RIMS4: variants seen among roughly 807,000 people sequenced by gnomAD.
RIMS4 encodes regulating synaptic membrane exocytosis protein 4.
RIMS4 carries 9 observed loss-of-function variants against 29.0 expected under a neutral mutation model. The observed-to-expected ratio is 0.31, with a 90% CI of 0.19 to 0.54. The LOEUF (loss-of-function observed/expected upper bound fraction) is 0.54, where lower values mean the gene tolerates loss of function less well. Ranked by LOEUF, RIMS4 falls within the 20% of genes least tolerant of loss-of-function variation. The pLI, the probability that RIMS4 is intolerant of heterozygous loss-of-function variation, is 0.94. For missense variants in RIMS4, 193 were observed against 365.7 expected, an observed-to-expected ratio of 0.53 and a Z score of 3.85; for synonymous variants, 130 against 152.9, an observed-to-expected ratio of 0.85 and a Z score of 1.10.
Position 44,756,860 on chromosome 20 carries a change from T to TGCAC in RIMS4, c.591+34_591+37dup. On this transcript the variant is annotated intron_variant, in intron 5 of 5. Coordinates refer to ENST00000372851, the MANE Select transcript of RIMS4 (RefSeq NM_182970.4). The surrounding 1 kb of genome is among the most constrained non-coding windows in gnomAD (Gnocchi z 5.9). The stretch of plus-strand genomic sequence containing the variant: ...TTCTGGTACTGTGCATGTGTGCTCG[T>TGCAC]GCACACACACACACGTGAGCGCGTC... 6.2e-7 allele frequency: 1 copy of TGCAC among 1,601,134 alleles called. No individual in the cohort carries two copies. Among genetic ancestry groups the TGCAC allele is most frequent in the South Asian group, 1.1e-5 (1 of 89,266 alleles).
intron 1 of RIMS4, among the ~76,000 whole-genome samples, chr20:44,782,947 C>G (rs2066191175): frequency 6.6e-6 from 1 of 152,194 alleles, no homozygotes; most frequent in African/African-American, 2.4e-5. Context: ...AAATAGATCT[C>G]TCATACCCCT....
At chr20:44,787,693 C>T (rs1001785452) in intron 1 of RIMS4, among the ~76,000 whole-genome samples, 4 of 142,388 alleles carry the variant, frequency 2.8e-5, no homozygotes, top group African/African-American at 1.0e-4. Flanking sequence ...TTGGTTTTCT[C>T]CAGGAAAAAA....
rs368559983 is a variant in RIMS4, at chr20:44,755,993, G to C, written c.*141C>G. On this transcript the variant is annotated 3_prime_UTR_variant, in exon 6 of 6. Coordinates refer to ENST00000372851, the MANE Select transcript of RIMS4 (RefSeq NM_182970.4). ...AAGAAGGGGTGAGGAGGGGCCCAAG[G>C]GGGGGCAGGTCTCCCCGTTCTGCTT... is the stretch of plus-strand genomic sequence containing the variant. 29 of 691,536 alleles carry C rather than the reference G, an allele frequency of 4.2e-5. No homozygotes were observed. Among genetic ancestry groups the C allele is most frequent in the Middle Eastern group, 8.4e-4 (2 of 2,382 alleles). The allele number at this position is 691,536 out of a possible 1,614,324, so 42.8% of individuals were successfully genotyped here.
intron 1 of RIMS4, among the ~76,000 whole-genome samples, chr20:44,777,137 C>T (rs766536083): frequency 2.6e-5 from 4 of 152,202 alleles, no homozygotes; most frequent in Non-Finnish European, 5.9e-5. Flanking sequence ...TCCACCTAGT[C>T]GATGTCAGTG....
chr20:44,781,990 C>T (rs2066186533), intron 1 of RIMS4, among the ~76,000 whole-genome samples: 1 of 152,168 alleles, frequency 6.6e-6, no homozygotes, highest in South Asian at 2.1e-4. Context: ...CAAATACAGC[C>T]CACGTACTTC....
intron 1 of RIMS4, among the ~76,000 whole-genome samples, chr20:44,774,200 A>C (rs1340407085): frequency 6.6e-6 from 1 of 152,054 alleles, no homozygotes; most frequent in Admixed American, 6.6e-5. Context: ...ACCAAGATCC[A>C]TCCATCCCAC....
chr20:44,790,154 T>C (rs893481621), intron 1 of RIMS4, among the ~76,000 whole-genome samples: 3 of 152,176 alleles, frequency 2.0e-5, no homozygotes, highest in Non-Finnish European at 2.9e-5. Flanking sequence ...GTGGTCTGGG[T>C]TGGGGATCAG....
At chr20:44,791,841 C>G (rs2066234017) in intron 1 of RIMS4, among the ~76,000 whole-genome samples, 1 of 152,342 alleles carries the variant, frequency 6.6e-6, no homozygotes, top group South Asian at 2.1e-4. Flanking sequence ...TGCTATAACT[C>G]AGATCTCCAA....
intron 1 of RIMS4, among the ~76,000 whole-genome samples, chr20:44,789,111 G>A (rs553840458): frequency 6.6e-6 from 1 of 151,934 alleles, no homozygotes; most frequent in Admixed American, 6.5e-5. Flanking sequence ...GCAAGGTTAT[G>A]TCATGTGTTT....
intron 2 of RIMS4, among the ~76,000 whole-genome samples, chr20:44,759,578 C>A (rs114832905): frequency 0.023 from 3,578 of 152,276 alleles, 134 homozygotes; most frequent in African/African-American, 0.08. Flanking sequence ...GGCTTTTGAT[C>A]TTTATCACCA....
At chr20:44,792,378 C>T (rs1356417651) in intron 1 of RIMS4, among the ~76,000 whole-genome samples, 3 of 150,118 alleles carry the variant, frequency 2.0e-5, no homozygotes, top group East Asian at 3.9e-4. Flanking sequence ...CTGCAACCTC[C>T]ACCTCCTAGA....
chr20:44,775,283 AC>A (rs1568899214), intron 1 of RIMS4, among the ~76,000 whole-genome samples: 1 of 150,992 alleles, frequency 6.6e-6, no homozygotes, highest in East Asian at 2.0e-4. Flanking sequence ...CTCCTCCAAG[AC>A]CCCCTTTTTA....
chr20:44,759,266 T>C (rs1348438472), intron 2 of RIMS4, among the ~76,000 whole-genome samples: 1 of 152,136 alleles, frequency 6.6e-6, no homozygotes, highest in African/African-American at 2.4e-5. Flanking sequence ...TGTTTTTTTT[T>C]TGAGACAGAG....
At chr20:44,806,986 A>G (rs989609727) in intron 1 of RIMS4, among the ~76,000 whole-genome samples, 2 of 152,032 alleles carry the variant, frequency 1.3e-5, no homozygotes, top group Non-Finnish European at 2.9e-5. Flanking sequence ...AGTCCATGTT[A>G]TTATTTTTCT....
At chr20:44,810,107 G>T in intron 1 of RIMS4, 68 bp downstream of exon 1, 1 of 959,782 alleles carries the variant, frequency 1.0e-6, no homozygotes. Context: ...CGCACGGGTC[G>T]GGGAGGGGGC....
chr20:44,761,403 T>C (rs1357563718), intron 2 of RIMS4, among the ~76,000 whole-genome samples: 2 of 152,178 alleles, frequency 1.3e-5, no homozygotes, highest in Non-Finnish European at 2.9e-5. Flanking sequence ...AGGGCTTATT[T>C]TCTGGCTGTG....
chr20:44,789,898 G>A (rs534438217), intron 1 of RIMS4, among the ~76,000 whole-genome samples: 1 of 152,314 alleles, frequency 6.6e-6, no homozygotes, highest in African/African-American at 2.4e-5. Context: ...GGGAGAAGAA[G>A]GATTTTCCAC....
intron 1 of RIMS4, among the ~76,000 whole-genome samples, chr20:44,795,453 G>C (rs2066250703): frequency 6.6e-6 from 1 of 152,092 alleles, no homozygotes; most frequent in Non-Finnish European, 1.5e-5. Context: ...GGCTAATACA[G>C]TGAAACCCCA....
chr20:44,798,199 A>G (rs1377568093), intron 1 of RIMS4, among the ~76,000 whole-genome samples: 2 of 152,244 alleles, frequency 1.3e-5, no homozygotes, highest in Non-Finnish European at 2.9e-5. Context: ...GGCACCCTCC[A>G]AAGAGGGACT....
Sources: gnomAD v4.1 joint callset for allele counts (sites outside exome capture counted in the v4.1 genomes callset) on GRCh38, gnomAD v4.1.1 for gene constraint, Gnocchi (gnomAD v3.1) non-coding constraint, MANE v1.5 for transcripts, NCBI Gene and HGNC (gene_info 2026-07-23, HGNC 2026-07-21) for gene names.